Variants in DEGS1 observed in about 807,000 individuals in gnomAD.
DEGS1 encodes delta 4-desaturase, sphingolipid 1.
DEGS1 carries 17 observed loss-of-function variants against 24.1 expected under a neutral mutation model. The ratio of observed to expected loss-of-function variants is 0.70; its 90% CI spans 0.48 to 1.06. DEGS1 has a LOEUF of 1.06. Ranked by LOEUF, DEGS1 falls within the 50% of genes least tolerant of loss-of-function variation. DEGS1 has a pLI of 0.00. For synonymous variants in DEGS1, 134 were observed against 140.0 expected (o/e 0.96, Z 0.30); for missense variants, 366 against 408.9 (o/e 0.90, Z 0.91).
At chr1:224,184,132 T>A (rs1464216884) in intron 1 of DEGS1, among the ~76,000 whole-genome samples, 2 of 152,234 alleles carry the variant, frequency 1.3e-5, no homozygotes, top group African/African-American at 2.4e-5. Flanking sequence ...ATCTCGGTTT[T>A]GTGGATGAAA....
intron 2 of DEGS1, among the ~76,000 whole-genome samples, chr1:224,190,628 A>G (rs1350770713): frequency 6.6e-6 from 1 of 151,960 alleles, no homozygotes; most frequent in African/African-American, 2.4e-5. Context: ...AAGAGCAAGA[A>G]TATAAATACT....
intron 1 of DEGS1, among the ~76,000 whole-genome samples, chr1:224,184,639 G>A (rs1220732769): frequency 6.6e-6 from 1 of 152,066 alleles, no homozygotes; most frequent in Admixed American, 6.6e-5. Flanking sequence ...AGCCTCCCGA[G>A]TAGCTGGGAT....
intron 1 of DEGS1, among the ~76,000 whole-genome samples, chr1:224,184,429 C>T (rs906882885): frequency 5.3e-5 from 8 of 152,064 alleles, no homozygotes; most frequent in African/African-American, 1.4e-4. Context: ...GATTCTAATG[C>T]GCATTCGGTT....
rs549827560 is a variant in DEGS1, at chr1:224,183,252, G to C, written c.-85G>C. ...ACAGCCGGCCGACACCACACCAGCC[G>C]GGGAGCCGCCGCCGCCGCCGCCACC... On this transcript the variant is annotated 5_prime_UTR_variant, in exon 1 of 3. Transcript: ENST00000323699. The C allele has an allele frequency of 1.1e-5, 14 of 1,279,784 alleles. No homozygotes were observed. Among genetic ancestry groups the C allele is most frequent in the Middle Eastern group, 2.6e-4 (1 of 3,796 alleles). 79.3% of individuals were successfully genotyped at this position (1,279,784 alleles called of 1,614,324 possible).
At chr1:224,188,912 G>A (rs1033283790) in intron 1 of DEGS1, among the ~76,000 whole-genome samples, 1 of 152,076 alleles carries the variant, frequency 6.6e-6, no homozygotes, top group African/African-American at 2.4e-5. Context: ...TTATTTCTAT[G>A]TTTTCTTATC....
At chr1:224,190,397 G>A (rs1028221072) in intron 2 of DEGS1, 78 bp downstream of exon 2, 32 of 1,318,582 alleles carry the variant, frequency 2.4e-5, no homozygotes, top group African/African-American at 3.0e-5. Context: ...TCACTCAGTC[G>A]CCCAGGCTGG....
rs1810346 is a variant in DEGS1, at chr1:224,192,847, A to G, written c.*369A>G. The G allele has an allele frequency of 0.11, 20,908 of 190,408 alleles. 1,551 individuals are homozygous for G. The highest frequency in any genetic ancestry group is 0.36 in the East Asian group (1,940 of 5,442). 11.8% of individuals were successfully genotyped at this position (190,408 alleles called of 1,614,324 possible). On this transcript the variant is annotated 3_prime_UTR_variant, in exon 3 of 3. Transcript: ENST00000323699. ...GGTGGGTGGATCACCTGAGGTCAGG[A>G]GTTCGAGACCAGCCTGGCCAACACG...
At chr1:224,185,687 T>C (rs1262868583) in intron 1 of DEGS1, among the ~76,000 whole-genome samples, 1 of 152,116 alleles carries the variant, frequency 6.6e-6, no homozygotes, top group Non-Finnish European at 1.5e-5. Context: ...TTTTTATTTT[T>C]AGTAGAGACA....
chr1:224,186,574 G>A (rs935223256), intron 1 of DEGS1, among the ~76,000 whole-genome samples: 1 of 151,976 alleles, frequency 6.6e-6, no homozygotes, highest in Non-Finnish European at 1.5e-5. Context: ...TTAGCCGGGC[G>A]TGGCGGCAGC....
At chr1:224,188,821 T>C (rs1658459488) in intron 1 of DEGS1, among the ~76,000 whole-genome samples, 1 of 152,236 alleles carries the variant, frequency 6.6e-6, no homozygotes, top group Admixed American at 6.5e-5. Context: ...CAGAAAGTTT[T>C]TGATGCTGTC....
chr1:224,184,568 G>A (rs1030572107), intron 1 of DEGS1, among the ~76,000 whole-genome samples: 18 of 151,994 alleles, frequency 1.2e-4, no homozygotes, highest in African/African-American at 4.4e-4. Context: ...CTGGAGTGCA[G>A]TGGCGCGATC....
Position 224,183,260 on chromosome 1 carries a change from G to C in DEGS1, c.-77G>C. 7.5e-7 allele frequency: 1 copy of C among 1,336,748 alleles called. No individual in the cohort carries two copies. Among genetic ancestry groups the C allele is most frequent in the Non-Finnish European group, 9.9e-7 (1 of 1,006,402 alleles). 82.8% of individuals were successfully genotyped at this position (1,336,748 alleles called of 1,614,324 possible). A position where few individuals can be genotyped will look rare whatever the true frequency, so the allele number is the denominator to read the frequency against. ...CCGACACCACACCAGCCGGGGAGCCGCCGCCGCCGCCGCCACCTCTGAGCA... is the reference window on the plus strand; with the variant it reads ...CCGACACCACACCAGCCGGGGAGCCCCCGCCGCCGCCGCCACCTCTGAGCA... On this transcript the variant is annotated 5_prime_UTR_variant, in exon 1 of 3. Transcript: ENST00000323699.
chr1:224,188,131 T>C (rs982857428), intron 1 of DEGS1, among the ~76,000 whole-genome samples: 4 of 151,968 alleles, frequency 2.6e-5, no homozygotes, highest in Non-Finnish European at 5.9e-5. Flanking sequence ...AGTGGCATGC[T>C]CCTGTAGTCC....
At chr1:224,186,325 A>C (rs907639198) in intron 1 of DEGS1, among the ~76,000 whole-genome samples, 9 of 151,768 alleles carry the variant, frequency 5.9e-5, no homozygotes, top group Non-Finnish European at 1.0e-4. Context: ...AGATGAAGGA[A>C]GTGAGAAGGT....
chr1:224,189,615 C>T lies in DEGS1; in HGVS notation c.121C>T (p.Pro41Ser), dbSNP rs1229658978. 3 of 1,610,022 alleles carry T rather than the reference C, an allele frequency of 1.9e-6. No individual in the cohort carries two copies. The highest frequency in any genetic ancestry group is 1.3e-5 in the African/African-American group (1 of 74,856). The change falls in exon 2 of 3, where the codon CCC becomes TCC. Residue 41 changes from proline (P) to serine (S), a missense_variant. Coordinates refer to ENST00000323699, the MANE Select transcript of DEGS1 (RefSeq NM_003676.4). ...PEIKSLMKPD[P>S]NLIWIIIMMV... ...GATAAAGTCCTTGATGAAACCTGAT[C>T]CCAATTTGATATGGATTATAATTAT...
At position 224,186,064 on chromosome 1, in the gene DEGS1, A is replaced by C. The variant is rs1456574370; in HGVS notation, c.82+2646A>C. Among the ~76,000 whole-genome samples the C allele has an allele frequency of 3.3e-5, 5 of 152,088 alleles. No individual in the cohort carries two copies. In the East Asian group the frequency reaches 9.6e-4, roughly 29 times the overall value. ...GTGCATGCCTGTCCCGCTACTCAGA[A>C]GGCTGAGGCGAGAGGAACACTTGAA... is the stretch of plus-strand genomic sequence containing the variant. On this transcript the variant is annotated intron_variant, in intron 1 of 2. Transcript: ENST00000323699.
At chr1:224,186,213 T>A (rs1228917528) in intron 1 of DEGS1, among the ~76,000 whole-genome samples, 2 of 150,010 alleles carry the variant, frequency 1.3e-5, no homozygotes, top group African/African-American at 4.9e-5. Context: ...AAGGCTGAGG[T>A]GGGAGGATTG....
intron 1 of DEGS1, among the ~76,000 whole-genome samples, chr1:224,184,496 G>GTTT (rs1658324541): frequency 1.1e-5 from 1 of 92,874 alleles, no homozygotes; most frequent in African/African-American, 4.3e-5. Context: ...GACTGCACGT[G>GTTT]TTTGTTTTTT....
Position 224,192,670 on chromosome 1 carries a change from C to T in DEGS1, c.*192C>T, listed in dbSNP as rs772707410. 6 of 535,454 alleles carry T rather than the reference C, an allele frequency of 1.1e-5. No homozygotes were observed. The highest frequency in any genetic ancestry group is 1.9e-5 in the Non-Finnish European group (6 of 310,952). 33.2% of individuals were successfully genotyped at this position (535,454 alleles called of 1,614,324 possible). A position where few individuals can be genotyped will look rare whatever the true frequency, so the allele number is the denominator to read the frequency against. ...TGACTCTGTACTGCTCAGTTTCACTCACAGGAAACTTGTGACTTGTGTATT... is the reference window on the plus strand; with the variant it reads ...TGACTCTGTACTGCTCAGTTTCACTTACAGGAAACTTGTGACTTGTGTATT... On this transcript the variant is annotated 3_prime_UTR_variant, in exon 3 of 3. Coordinates refer to ENST00000323699, the MANE Select transcript of DEGS1 (RefSeq NM_003676.4).
Sources: gnomAD v4.1 joint callset for allele counts (sites outside exome capture counted in the v4.1 genomes callset) on GRCh38, gnomAD v4.1.1 for gene constraint, MANE v1.5 for transcripts, NCBI Gene and HGNC (gene_info 2026-07-23, HGNC 2026-07-21) for gene names.